The following PCDHA6 variants were observed in gnomAD, a reference collection of about 807,000 sequenced individuals.
PCDHA6 encodes protocadherin alpha-6.
Under a neutral mutation model 60.3 loss-of-function variants are expected in PCDHA6, and 55 were observed. The ratio of observed to expected loss-of-function variants is 0.91; its 90% CI spans 0.73 to 1.14. The LOEUF (loss-of-function observed/expected upper bound fraction) is 1.14, where lower values mean the gene tolerates loss of function less well. PCDHA6 is among the 50% of genes most tolerant of loss of function. The pLI, the probability that PCDHA6 is intolerant of heterozygous loss-of-function variation, is 0.00. For missense variants in PCDHA6, 1,327 were observed against 1,256.5 expected (o/e 1.06, Z -0.85); for synonymous variants, 652 against 557.9 (o/e 1.17, Z -2.38).
At position 140,849,055 on chromosome 5, in the gene PCDHA6, A is replaced by G; in HGVS notation, c.2394+18570A>G. The G allele has an allele frequency of 5.8e-6, 9 of 1,555,688 alleles. No individual in the cohort carries two copies. The Middle Eastern group carries it at 8.5e-4, about 147-fold the overall frequency. ...TTCCTGGACGTGCCAACCAGCAACC[A>G]GCAGGTAAAACCTCTTGGACTTGTA... On this transcript the variant is annotated intron_variant, in intron 1 of 3. Coordinates refer to ENST00000529310, the MANE Select transcript of PCDHA6 (RefSeq NM_018909.4).
intron 1 of PCDHA6, among the ~76,000 whole-genome samples, chr5:140,964,622 T>C (rs1435749865): frequency 2.0e-5 from 3 of 152,048 alleles, no homozygotes; most frequent in Non-Finnish European, 4.4e-5. Flanking sequence ...ATTCCACTTA[T>C]AAGCCATTTA....
At position 140,863,274 on chromosome 5, in the gene PCDHA6, G is replaced by T. The variant is rs782533377; in HGVS notation, c.2394+32789G>T. 8.9e-6 allele frequency: 13 copies of T among 1,461,580 alleles called. No individual in the cohort carries two copies. In the African/African-American group the frequency reaches 1.8e-4, roughly 21 times the overall value. 90.5% of individuals were successfully genotyped at this position (1,461,580 alleles called of 1,614,324 possible). On this transcript the variant is annotated intron_variant, in intron 1 of 3. Coordinates refer to ENST00000529310, the MANE Select transcript of PCDHA6 (RefSeq NM_018909.4). Reference sequence around the variant, plus strand: ...TCGAGGTCCGGGAGGCAGCGCTGGTGGATGTCAACGTGTACCTGATCATCG... The same window carrying T: ...TCGAGGTCCGGGAGGCAGCGCTGGTTGATGTCAACGTGTACCTGATCATCG...
At chr5:140,863,357 G>A (rs1320011614) in intron 1 of PCDHA6, 2 of 1,259,586 alleles carry the variant, frequency 1.6e-6, no homozygotes, top group South Asian at 1.2e-5. Context: ...ACGACGCTGC[G>A]GTGCTTGGCG....
chr5:140,869,918 G>A, intron 1 of PCDHA6: 1 of 1,611,272 alleles, frequency 6.2e-7, no homozygotes. Context: ...CGAGACGAAG[G>A]AGTCAATGGA....
rs2150305590 is a variant in PCDHA6, at chr5:140,840,302, C to A, written c.2394+9817C>A. Among the ~76,000 whole-genome samples, 18 of 151,968 alleles carry A rather than the reference C, an allele frequency of 1.2e-4. No individual in the cohort carries two copies. The East Asian group carries it at 3.3e-3, about 28-fold the overall frequency. ...TTTGGGTGATTATTGATTAGATATTCTTTTAACTTTGGTCGACTCATTTTC... is the reference window on the plus strand; with the variant it reads ...TTTGGGTGATTATTGATTAGATATTATTTTAACTTTGGTCGACTCATTTTC... On this transcript the variant is annotated intron_variant, in intron 1 of 3. Transcript: ENST00000529310.
intron 1 of PCDHA6, among the ~76,000 whole-genome samples, chr5:140,912,600 T>C (rs2075993093): frequency 6.6e-6 from 1 of 152,156 alleles, no homozygotes; most frequent in African/African-American, 2.4e-5. Context: ...CTTTATTTCT[T>C]CCTCTTGTCT....
At chr5:140,882,868 G>T in intron 1 of PCDHA6, 1 of 1,614,184 alleles carries the variant, frequency 6.2e-7, no homozygotes, top group Non-Finnish European at 8.5e-7. Context: ...GGAAAACACT[G>T]GACAGAGAGG....
intron 1 of PCDHA6, chr5:140,967,752 C>T: frequency 1.2e-6 from 2 of 1,614,194 alleles, no homozygotes; most frequent in Middle Eastern, 1.6e-4. Context: ...GAGGAAGCCT[C>T]CTCCTACCAG....
At chr5:140,927,619 C>T (rs2084429859) in intron 1 of PCDHA6, 3 of 1,614,170 alleles carry the variant, frequency 1.9e-6, no homozygotes, top group Non-Finnish European at 2.5e-6. Flanking sequence ...CACCAAGGTT[C>T]CAGAGACTGC....
intron 1 of PCDHA6, among the ~76,000 whole-genome samples, chr5:140,839,721 T>C (rs2150300331): frequency 6.6e-6 from 1 of 152,184 alleles, no homozygotes; most frequent in East Asian, 1.9e-4. Flanking sequence ...ATTTAAATCA[T>C]TTCACAGAAA....
intron 1 of PCDHA6, chr5:140,969,209 A>G (rs1586360550): frequency 1.2e-6 from 2 of 1,614,194 alleles, no homozygotes; most frequent in Non-Finnish European, 1.7e-6. Context: ...AGGGGCCCAG[A>G]CAGGACCAGG....
chr5:140,853,929 G>GATTGC, intron 1 of PCDHA6: 1 of 896,830 alleles, frequency 1.1e-6, no homozygotes, highest in Non-Finnish European at 1.4e-6. Context: ...AACATTTTGG[G>GATTGC]AGGCCAAGGT....
chr5:140,839,001 C>T (rs1775989279), intron 1 of PCDHA6, among the ~76,000 whole-genome samples: 1 of 151,970 alleles, frequency 6.6e-6, no homozygotes, highest in Admixed American at 6.6e-5. Context: ...TTCTAATATA[C>T]TTTAGTAAAT....
At chr5:140,953,124 A>G (rs1554220816) in intron 1 of PCDHA6, among the ~76,000 whole-genome samples, 1 of 152,150 alleles carries the variant, frequency 6.6e-6, no homozygotes, top group African/African-American at 2.4e-5. Flanking sequence ...ACAGATCTAA[A>G]CCGTATCACT....
intron 1 of PCDHA6, chr5:140,969,172 G>T (rs782196654): frequency 1.2e-5 from 19 of 1,614,086 alleles, no homozygotes; most frequent in Non-Finnish European, 1.5e-5. Context: ...CAGGCTCAGG[G>T]AGTGACACTT....
chr5:140,831,517 C>A (rs1771584524), intron 1 of PCDHA6, among the ~76,000 whole-genome samples: 3 of 130,048 alleles, frequency 2.3e-5, no homozygotes, highest in South Asian at 5.1e-4. Flanking sequence ...CCATGCCCCC[C>A]ACCTTTTTTT....
chr5:140,896,491 T>A (rs2065573741), intron 1 of PCDHA6, among the ~76,000 whole-genome samples: 1 of 152,042 alleles, frequency 6.6e-6, no homozygotes, highest in South Asian at 2.1e-4. Flanking sequence ...GCCTCCTGAG[T>A]AGCTGGGACT....
rs2041307506 is a variant in PCDHA6 at position 140,850,030 on chromosome 5, C to A, written c.2394+19545C>A. 3.8e-6 allele frequency: 6 copies of A among 1,596,712 alleles called. 2 individuals carry two copies. The highest frequency in any genetic ancestry group is 5.1e-6 in the Non-Finnish European group (6 of 1,167,808). On this transcript the variant is annotated intron_variant, in intron 1 of 3. Coordinates refer to ENST00000529310, the MANE Select transcript of PCDHA6 (RefSeq NM_018909.4). ...CTGTCGAGCTACGTGTCAGTGCACG[C>A]GGAGAGCGGCAAGGTGTACGCGCTG...
Position 140,856,487 on chromosome 5 carries a change from C to G in PCDHA6, c.2394+26002C>G, listed in dbSNP as rs1171656977. Reference sequence around the variant, plus strand: ...GCTCTCAATACCTGAATCCAGACTGCTTGACTCTCGATTTCCACTAGAAGG... The same window carrying G: ...GCTCTCAATACCTGAATCCAGACTGGTTGACTCTCGATTTCCACTAGAAGG... On this transcript the variant is annotated intron_variant, in intron 1 of 3. Coordinates refer to ENST00000529310, the MANE Select transcript of PCDHA6 (RefSeq NM_018909.4). 4 of 1,598,200 alleles carry G rather than the reference C, an allele frequency of 2.5e-6. No homozygotes were observed. The African/African-American group carries it at 5.4e-5, about 22-fold the overall frequency.
Sources: gnomAD v4.1 joint callset for allele counts (sites outside exome capture counted in the v4.1 genomes callset) on GRCh38, gnomAD v4.1.1 for gene constraint, MANE v1.5 for transcripts, NCBI Gene and HGNC (gene_info 2026-07-23, HGNC 2026-07-21) for gene names.